DLG1: variants seen among roughly 807,000 people sequenced by gnomAD.
DLG1 encodes the protein discs large MAGUK scaffold protein 1.
Under a neutral mutation model 123.4 loss-of-function variants are expected in DLG1, and 42 were observed. The ratio of observed to expected loss-of-function variants is 0.34; its 90% CI spans 0.27 to 0.44. The LOEUF (loss-of-function observed/expected upper bound fraction) is 0.44. Ranked by LOEUF, DLG1 falls within the 20% of genes least tolerant of loss-of-function variation. DLG1 has a pLI of 1.00. For missense variants in DLG1, 942 were observed against 1,082.6 expected, an observed-to-expected ratio of 0.87 and a Z score of 1.82; for synonymous variants, 317 against 356.2, an observed-to-expected ratio of 0.89 and a Z score of 1.24.
Position 197,184,665 on chromosome 3 carries a change from A to G in DLG1, c.483+9760T>C, listed in dbSNP as rs1714722552. ...GATAAAAAAGAACTTTCAAGAAATT[A>G]TCAGCATCATCTCTCTAGTATTTTA... On this transcript the variant is annotated intron_variant, in intron 5 of 24. Transcript: ENST00000667157. Among the ~76,000 whole-genome samples, 3 of 152,380 alleles carry G rather than the reference A, an allele frequency of 2.0e-5. No individual in the cohort carries two copies. In the South Asian group the frequency reaches 6.2e-4, roughly 32 times the overall value.
intron 18 of DLG1, chr3:197,075,936 T>C: frequency 7.0e-7 from 1 of 1,423,424 alleles, no homozygotes; most frequent in Non-Finnish European, 9.8e-7. Context: ...TTGTCAGTAA[T>C]GCATAAAATT....
chr3:197,152,702 G>A (rs1336794478), intron 5 of DLG1, among the ~76,000 whole-genome samples: 2 of 141,032 alleles, frequency 1.4e-5, no homozygotes, highest in African/African-American at 2.7e-5. Flanking sequence ...GGTGGAGCTT[G>A]CAGTGAGCCG....
chr3:197,152,529 C>T (rs1348837334), intron 5 of DLG1, among the ~76,000 whole-genome samples: 2 of 149,216 alleles, frequency 1.3e-5, no homozygotes, highest in African/African-American at 2.5e-5. Context: ...GTAATCCCAG[C>T]ACTCTGGGAG....
intron 4 of DLG1, among the ~76,000 whole-genome samples, chr3:197,274,651 T>C (rs1302081149): frequency 6.6e-6 from 1 of 152,144 alleles, no homozygotes; most frequent in African/African-American, 2.4e-5. Context: ...AAAAAGATCC[T>C]GTACAGCAAA....
chr3:197,209,400 C>T (rs1329531060), intron 4 of DLG1, among the ~76,000 whole-genome samples: 3 of 146,428 alleles, frequency 2.0e-5, no homozygotes, highest in Admixed American at 6.8e-5. Context: ...GCAAAACCAA[C>T]AGAAACTAAA....
intron 15 of DLG1, among the ~76,000 whole-genome samples, 200 bp downstream of exon 15, chr3:197,090,712 T>A (rs1757276870): frequency 6.6e-6 from 1 of 152,066 alleles, no homozygotes; most frequent in Non-Finnish European, 1.5e-5. Context: ...ATTACATAAC[T>A]TTCATTAATA....
At chr3:197,073,531 A>G (rs931472398) in intron 18 of DLG1, among the ~76,000 whole-genome samples, 17 of 152,212 alleles carry the variant, frequency 1.1e-4, no homozygotes, top group African/African-American at 4.1e-4. Flanking sequence ...GCTTTTCGCA[A>G]ATGATGACTT....
chr3:197,048,480 C>T (rs143450856), intron 24 of DLG1, among the ~76,000 whole-genome samples: 164 of 152,080 alleles, frequency 1.1e-3, no homozygotes, highest in Admixed American at 3.2e-3. Flanking sequence ...CAAACACACA[C>T]GCAAACCATA....
rs370007101 is a variant in DLG1, at chr3:197,078,690, G to A, written c.1906-2005C>T. ...TCCAAATTTTAGAAAGGAGATAGACGAGAAAGTGTTTTAGTGAAAAAAATT... is the reference window on the plus strand; with the variant it reads ...TCCAAATTTTAGAAAGGAGATAGACAAGAAAGTGTTTTAGTGAAAAAAATT... On this transcript the variant is annotated intron_variant, in intron 17 of 24. Transcript: ENST00000667157. Among the ~76,000 whole-genome samples, 16 of 152,208 alleles carry A rather than the reference G, an allele frequency of 1.1e-4. 1 individual carries two copies. Among genetic ancestry groups the A allele is most frequent in the East Asian group, 3.9e-4 (2 of 5,176 alleles).
intron 24 of DLG1, among the ~76,000 whole-genome samples, chr3:197,050,885 T>G (rs1235510963): frequency 6.6e-6 from 1 of 152,248 alleles, no homozygotes; most frequent in Non-Finnish European, 1.5e-5. Context: ...CAAATCACAT[T>G]ATATGCCTTG....
At chr3:197,238,943 G>A (rs377045543) in intron 4 of DLG1, among the ~76,000 whole-genome samples, 4 of 151,850 alleles carry the variant, frequency 2.6e-5, no homozygotes, top group Admixed American at 1.3e-4. Context: ...AAGAACAAAC[G>A]AAACACAAGG....
At chr3:197,297,865 C>G in intron 1 of DLG1, 1 of 985,424 alleles carries the variant, frequency 1.0e-6, no homozygotes, top group Non-Finnish European at 1.2e-6. Context: ...GAGCAGCTCC[C>G]CAGCCCGGCC....
chr3:197,055,953 C>T (rs1041236314), intron 23 of DLG1, among the ~76,000 whole-genome samples: 14 of 152,130 alleles, frequency 9.2e-5, no homozygotes, highest in African/African-American at 3.4e-4. Context: ...AGGACAGAAT[C>T]CTTATTGTCC....
At chr3:197,061,872 T>C in intron 22 of DLG1, among the ~76,000 whole-genome samples, 1 of 152,202 alleles carries the variant, frequency 6.6e-6, no homozygotes, top group Non-Finnish European at 1.5e-5. Context: ...ATTTTTACCT[T>C]TGTAACTGAT....
chr3:197,266,782 C>T (rs186172811), intron 4 of DLG1, among the ~76,000 whole-genome samples: 18 of 151,464 alleles, frequency 1.2e-4, no homozygotes, highest in African/African-American at 4.4e-4. Context: ...AACATACCAA[C>T]GAAAAAGACT....
chr3:197,083,810 CAAAAACAAAAACA>C (rs1752597760), intron 16 of DLG1, among the ~76,000 whole-genome samples: 1 of 151,722 alleles, frequency 6.6e-6, no homozygotes, highest in African/African-American at 2.4e-5. Context: ...AAAACAAAAA[CAAAAACAAAAACA>C]AAAAACTTAG....
chr3:197,199,016 A>G (rs1381991825), intron 4 of DLG1, among the ~76,000 whole-genome samples: 1 of 152,204 alleles, frequency 6.6e-6, no homozygotes, highest in East Asian at 1.9e-4. Context: ...TGCGCACATA[A>G]CCATATACTT....
rs1226127588 is a variant in DLG1 at position 197,247,546 on chromosome 3, CTT to C, written c.318+35131_318+35132del. 3.9e-5 allele frequency among the ~76,000 whole-genome samples: 6 copies of C among 152,188 alleles called. No homozygotes were observed. The East Asian group carries it at 1.2e-3, about 29-fold the overall frequency. On this transcript the variant is annotated intron_variant, in intron 4 of 24. Coordinates refer to ENST00000667157, the MANE Select transcript of DLG1 (RefSeq NM_001366207.1). ...CTATTTTCTCCTGGGAAACGGGACT[CTT>C]GTCATTGACATACTTTATTAAAAGT...
At chr3:197,069,402 G>T in intron 18 of DLG1, 142 bp from the exon 19 acceptor site, 1 of 482,506 alleles carries the variant, frequency 2.1e-6, no homozygotes, top group Non-Finnish European at 3.6e-6. Flanking sequence ...AAACGTTTAA[G>T]TTTTTCAAAT....
Sources: allele counts gnomAD v4.1 joint callset (sites outside exome capture counted in the v4.1 genomes callset), GRCh38; gene constraint gnomAD v4.1.1; transcripts MANE v1.5; gene names NCBI Gene and HGNC (gene_info 2026-07-23, HGNC 2026-07-21).